Variants in LOXL2 observed in about 807,000 individuals in gnomAD.
LOXL2 encodes lysyl oxidase like 2.
A neutral mutation model predicts 93.0 loss-of-function variants in LOXL2; 70 were observed. The ratio of observed to expected loss-of-function variants is 0.75; its 90% CI spans 0.62 to 0.92. The LOEUF (loss-of-function observed/expected upper bound fraction) is 0.92. Ranked by LOEUF, LOXL2 falls within the 40% of genes least tolerant of loss-of-function variation. The probability of loss-of-function intolerance (pLI) is 0.00; values close to 1 mark genes in which losing one functional copy is unlikely to be tolerated. For missense variants in LOXL2, 973 were observed against 1,054.9 expected, an observed-to-expected ratio of 0.92 and a Z score of 1.08; for synonymous variants, 438 against 413.2, an observed-to-expected ratio of 1.06 and a Z score of -0.73.
chr8:23,373,429 G>A (rs1804535005), intron 1 of LOXL2, among the ~76,000 whole-genome samples: 1 of 152,152 alleles, frequency 6.6e-6, no homozygotes, highest in African/African-American at 2.4e-5. Flanking sequence ...TCGAACTCTT[G>A]AGCCCAAGAG....
At position 23,346,373 on chromosome 8, in the gene LOXL2, G is replaced by A. The variant is rs1433874857; in HGVS notation, c.532-5170C>T. 5.9e-5 allele frequency among the ~76,000 whole-genome samples: 9 copies of A among 152,150 alleles called. No individual in the cohort carries two copies. In the East Asian group the frequency reaches 1.7e-3, roughly 29 times the overall value. On this transcript the variant is annotated intron_variant, in intron 3 of 13. Coordinates refer to ENST00000389131, the MANE Select transcript of LOXL2 (RefSeq NM_002318.3). Reference sequence around the variant, plus strand: ...CTCCAAGAAAGACACAGAAACTCCAGGATGTGTGGTCCTCAGAGCTCATCA... The same window carrying A: ...CTCCAAGAAAGACACAGAAACTCCAAGATGTGTGGTCCTCAGAGCTCATCA...
chr8:23,352,939 C>A (rs781189544), intron 3 of LOXL2, among the ~76,000 whole-genome samples: 2 of 148,782 alleles, frequency 1.3e-5, no homozygotes, highest in African/African-American at 5.0e-5. Flanking sequence ...CCAATCAGTT[C>A]CGGCAATGGA....
In LOXL2 at chr8:23,317,075, C is replaced by G; in HGVS notation, c.1510G>C (p.Val504Leu). 6.2e-7 allele frequency: 1 copy of G among 1,614,222 alleles called. No homozygotes were observed. The highest frequency in any genetic ancestry group is 1.1e-5 in the South Asian group (1 of 91,078). ...YWHGDVNSNK[V>L]VMSGVKCSGT... ...GAGCACTTCACTCCACTCATGACCA[C>G]TTTGTTGCTGTTGACATCTCCGTGC... The change falls in exon 9 of 14, where the codon GTG becomes CTG. Residue 504 changes from valine (V) to leucine (L), a missense_variant. By Grantham distance (32) the Val-to-Leu change is conservative. Transcript: ENST00000389131.
At chr8:23,375,866 A>C (rs199781196) in intron 1 of LOXL2, among the ~76,000 whole-genome samples, 2 of 152,262 alleles carry the variant, frequency 1.3e-5, no homozygotes, top group East Asian at 3.9e-4. Context: ...TCTAAATATA[A>C]AATCATGTCA....
At chr8:23,357,880 A>T (rs1023579457) in intron 3 of LOXL2, among the ~76,000 whole-genome samples, 5 of 152,184 alleles carry the variant, frequency 3.3e-5, no homozygotes, top group African/African-American at 1.2e-4. Context: ...GAGATTCTCC[A>T]CCTAAGGGGA....
At chr8:23,366,699 G>A (rs1804407075) in intron 2 of LOXL2, among the ~76,000 whole-genome samples, 1 of 152,220 alleles carries the variant, frequency 6.6e-6, no homozygotes, top group Non-Finnish European at 1.5e-5. Context: ...CTCTGCTTTA[G>A]TCCAGTAGCC....
At chr8:23,298,248 C>T (rs1276836909) in intron 13 of LOXL2, 126 bp from the exon 14 acceptor site, 6 of 671,680 alleles carry the variant, frequency 8.9e-6, no homozygotes, top group Non-Finnish European at 1.6e-5. Flanking sequence ...CTCAAAAGGA[C>T]AGGTGCCAGG....
At chr8:23,370,669 T>C (rs1376336497) in intron 1 of LOXL2, 1 of 151,690 alleles carries the variant, frequency 6.6e-6, no homozygotes, top group African/African-American at 2.4e-5. Flanking sequence ...CCCCGGAAGA[T>C]ACTCGCCAAT....
chr8:23,356,741 T>C (rs1804206642), intron 3 of LOXL2, among the ~76,000 whole-genome samples: 1 of 152,292 alleles, frequency 6.6e-6, no homozygotes, highest in Admixed American at 6.5e-5. Flanking sequence ...GGAGGCCTTC[T>C]AGGAAAATGC....
intron 1 of LOXL2, among the ~76,000 whole-genome samples, chr8:23,398,980 G>C (rs376886969): frequency 6.6e-6 from 1 of 152,358 alleles, no homozygotes; most frequent in African/African-American, 2.4e-5. Flanking sequence ...GTGGGTGCAT[G>C]TGTGGAATTA....
At chr8:23,332,926 G>T (rs71504408) in intron 5 of LOXL2, among the ~76,000 whole-genome samples, 1 of 148,128 alleles carries the variant, frequency 6.8e-6, no homozygotes, top group African/African-American at 2.5e-5. Flanking sequence ...CAGAGGGGGG[G>T]TGTTTCACAT....
At chr8:23,371,751 CAAAAAAAAAAAAAAAAAAAAAAAA>C (rs55780832) in intron 1 of LOXL2, among the ~76,000 whole-genome samples, 1 of 43,884 alleles carries the variant, frequency 2.3e-5, no homozygotes, top group African/African-American at 1.1e-4. Flanking sequence ...GAGTCTGTCT[CAAAAAAAAAAAAAAAAAAAAAAAA>C]AAAAAAAAAA....
intron 3 of LOXL2, among the ~76,000 whole-genome samples, chr8:23,356,783 C>T (rs906570644): frequency 4.6e-5 from 7 of 152,136 alleles, no homozygotes; most frequent in African/African-American, 1.7e-4. Flanking sequence ...GTCACCTGGC[C>T]CTTTAAGCCA....
At chr8:23,386,227 A>G (rs1804757880) in intron 1 of LOXL2, among the ~76,000 whole-genome samples, 1 of 152,124 alleles carries the variant, frequency 6.6e-6, no homozygotes, top group Admixed American at 6.6e-5. Flanking sequence ...TCCCATCTCT[A>G]CTAAAAAATA....
intron 1 of LOXL2, among the ~76,000 whole-genome samples, chr8:23,381,192 C>T (rs1312918599): frequency 4.0e-5 from 6 of 150,272 alleles, no homozygotes; most frequent in South Asian, 2.1e-4. Flanking sequence ...ATATTGCAAA[C>T]ATTATGCTTT....
intron 1 of LOXL2, among the ~76,000 whole-genome samples, chr8:23,393,724 C>T (rs1335423788): frequency 2.6e-5 from 4 of 151,992 alleles, no homozygotes; most frequent in African/African-American, 7.2e-5. Context: ...AACTTCTGCA[C>T]ATCAAAAAAA....
Position 23,309,835 on chromosome 8 carries a change from C to A in LOXL2, c.1713G>T (p.Leu571=). ...TYLEDRPMFM[L]QCAMEENCLS... ...GGCAGTTCTCCTCCATGGCACACTG[C>A]AGCATGAACATGGGCCGGTCCTCCA... The change falls in exon 10 of 14, where the codon CTG becomes CTT. Residue 571 remains leucine (L), a synonymous_variant. Transcript: ENST00000389131. 6.2e-7 allele frequency: 1 copy of A among 1,600,278 alleles called. No homozygotes were observed. The highest frequency in any genetic ancestry group is 8.5e-7 in the Non-Finnish European group (1 of 1,173,252).
intron 1 of LOXL2, among the ~76,000 whole-genome samples, chr8:23,372,965 T>A (rs1804522459): frequency 6.6e-6 from 1 of 152,192 alleles, no homozygotes; most frequent in South Asian, 2.1e-4. Context: ...ATGGAACATA[T>A]AATGATACAA....
At chr8:23,343,800 C>T (rs9785120) in intron 3 of LOXL2, among the ~76,000 whole-genome samples, 28,850 of 152,068 alleles carry the variant, frequency 0.19, 2,832 homozygotes, top group Middle Eastern at 0.24. Context: ...CACCAAGACA[C>T]GTGGACAGGG....
Sources: allele counts gnomAD v4.1 joint callset (sites outside exome capture counted in the v4.1 genomes callset), GRCh38; gene constraint gnomAD v4.1.1; transcripts MANE v1.5; gene names NCBI Gene and HGNC (gene_info 2026-07-23, HGNC 2026-07-21).